Variants in UTRN observed in about 807,000 individuals in gnomAD.
The protein encoded by UTRN is dystrophin-related protein 1.
In UTRN, 283 loss-of-function variants were observed where a neutral mutation model predicts 463.9. The observed-to-expected ratio is 0.61, with a 90% CI of 0.55 to 0.67. The LOEUF (loss-of-function observed/expected upper bound fraction) is 0.67, where lower values mean the gene tolerates loss of function less well. UTRN is among the 30% of genes least tolerant of loss of function. The probability of loss-of-function intolerance (pLI) is 0.00; values close to 1 mark genes in which losing one functional copy is unlikely to be tolerated. For missense variants in UTRN, 3,922 were observed against 4,084.3 expected, an observed-to-expected ratio of 0.96 and a Z score of 1.08; for synonymous variants, 1,442 against 1,431.5, an observed-to-expected ratio of 1.01 and a Z score of -0.17.
At chr6:144,316,267 G>A (rs1397793694) in intron 2 of UTRN, among the ~76,000 whole-genome samples, 3 of 152,204 alleles carry the variant, frequency 2.0e-5, no homozygotes, top group African/African-American at 7.2e-5. Context: ...GTGGCAATTG[G>A]TGGCTCTTAC....
chr6:144,707,342 G>A (rs1478802234), intron 53 of UTRN, among the ~76,000 whole-genome samples: 2 of 152,124 alleles, frequency 1.3e-5, no homozygotes, highest in Non-Finnish European at 2.9e-5. Flanking sequence ...GGGTAACAAT[G>A]GAGATTGAGA....
chr6:144,753,941 A>C (rs1322093547), intron 56 of UTRN, among the ~76,000 whole-genome samples: 2 of 152,160 alleles, frequency 1.3e-5, no homozygotes, highest in Non-Finnish European at 2.9e-5. Context: ...TGCCTGTACA[A>C]ACTGAAATAT....
At chr6:144,477,508 TTC>T (rs892865656) in intron 25 of UTRN, among the ~76,000 whole-genome samples, 2 of 150,660 alleles carry the variant, frequency 1.3e-5, no homozygotes, top group African/African-American at 4.9e-5. Context: ...CACATTTGCT[TTC>T]TCTCTCTCTG....
At chr6:144,366,664 G>A (rs1031536989) in intron 2 of UTRN, among the ~76,000 whole-genome samples, 2 of 152,098 alleles carry the variant, frequency 1.3e-5, no homozygotes, top group Non-Finnish European at 2.9e-5. Context: ...GGGCATTTAG[G>A]TTGACTCCAT....
rs540209355 is a variant in UTRN, at chr6:144,585,660, C to G, written c.7479+8372C>G. 6.6e-5 allele frequency among the ~76,000 whole-genome samples: 10 copies of G among 152,166 alleles called. No individual in the cohort carries two copies. The East Asian group carries it at 1.9e-3, about 29-fold the overall frequency. ...TATTGATAGAGGTAGCTATACCAACCAAAAATACTTAATTGTATTTTAATT... is the reference window on the plus strand; with the variant it reads ...TATTGATAGAGGTAGCTATACCAACGAAAAATACTTAATTGTATTTTAATT... On this transcript the variant is annotated intron_variant, in intron 51 of 74. Transcript: ENST00000367545.
chr6:144,533,135 C>G lies in UTRN; in HGVS notation c.6108C>G (p.Asn2036Lys). 1 of 1,613,952 alleles carries G rather than the reference C, an allele frequency of 6.2e-7. No homozygotes were observed. Among genetic ancestry groups the G allele is most frequent in the Non-Finnish European group, 8.5e-7 (1 of 1,179,924 alleles). ...SSHQPSFAAL[N>K]RTGDGIVQKL... is the part of the protein sequence containing the mutation. ...ACCAGCCCAGTTTTGCAGCACTAAACCGAACTGGGGATGGGATTGTGCAGA... is the reference window on the plus strand; with the variant it reads ...ACCAGCCCAGTTTTGCAGCACTAAAGCGAACTGGGGATGGGATTGTGCAGA... Residue 2036 changes from asparagine to lysine, a missense_variant, in exon 43 of 75, where the codon AAC becomes AAG. By Grantham distance (94) the Asn-to-Lys change is moderately conservative. This residue lies in a region of UTRN where 2,349 missense variants were observed against 2,303.8 expected (regional missense o/e 1.02). Transcript: ENST00000367545.
intron 69 of UTRN, among the ~76,000 whole-genome samples, chr6:144,830,715 G>GT (rs1255556822): frequency 6.9e-6 from 1 of 144,600 alleles, no homozygotes; most frequent in African/African-American, 2.5e-5. Context: ...TTTGTTTTTT[G>GT]TTTTTTGTTT....
At chr6:144,820,146 CA>C (rs1779471345) in intron 65 of UTRN, among the ~76,000 whole-genome samples, 1 of 124,198 alleles carries the variant, frequency 8.1e-6, no homozygotes, top group African/African-American at 3.1e-5. Flanking sequence ...AACAATAGTT[CA>C]TGGGATAGGA....
intron 52 of UTRN, among the ~76,000 whole-genome samples, chr6:144,690,130 T>TGTGTGTGTGTG (rs1562770946): frequency 3.0e-4 from 34 of 115,170 alleles, no homozygotes; most frequent in South Asian, 9.8e-4. Context: ...TGTGTGTGTG[T>TGTGTGTGTGTG]TAAGCTACCA....
At chr6:144,786,115 C>G (rs1005756913) in intron 61 of UTRN, among the ~76,000 whole-genome samples, 1 of 152,148 alleles carries the variant, frequency 6.6e-6, no homozygotes, top group Non-Finnish European at 1.5e-5. Context: ...TATGTCAACA[C>G]TGGGCTATGT....
intron 50 of UTRN, among the ~76,000 whole-genome samples, chr6:144,574,727 A>G (rs1413531631): frequency 1.3e-5 from 2 of 152,068 alleles, no homozygotes; most frequent in African/African-American, 4.8e-5. Context: ...GATTACAGGC[A>G]TGCCCCACCA....
chr6:144,637,260 G>A (rs1777277252), intron 51 of UTRN, among the ~76,000 whole-genome samples: 2 of 152,156 alleles, frequency 1.3e-5, no homozygotes, highest in South Asian at 4.1e-4. Context: ...GTGAGCCACT[G>A]CGCCCAGCCA....
intron 34 of UTRN, among the ~76,000 whole-genome samples, chr6:144,502,732 T>G (rs537196845): frequency 5.9e-5 from 9 of 152,372 alleles, no homozygotes; most frequent in African/African-American, 2.2e-4. Context: ...TGGGCATGTC[T>G]TTAGAGTAGA....
At chr6:144,706,225 C>T (rs1386316509) in intron 53 of UTRN, among the ~76,000 whole-genome samples, 2 of 144,296 alleles carry the variant, frequency 1.4e-5, no homozygotes, top group African/African-American at 5.0e-5. Flanking sequence ...TTCAGGGCAG[C>T]TTTTTTTTTT....
At chr6:144,684,319 G>A (rs1001903495) in intron 52 of UTRN, among the ~76,000 whole-genome samples, 1 of 152,072 alleles carries the variant, frequency 6.6e-6, no homozygotes, top group East Asian at 1.9e-4. Context: ...CAAACTGCTG[G>A]GATTACAGAC....
chr6:144,783,896 G>C (rs767061583), intron 61 of UTRN, among the ~76,000 whole-genome samples: 1 of 152,114 alleles, frequency 6.6e-6, no homozygotes, highest in Admixed American at 6.5e-5. Flanking sequence ...CGATATCTCT[G>C]TCTGATATTT....
intron 50 of UTRN, among the ~76,000 whole-genome samples, chr6:144,566,854 A>C (rs1277791851): frequency 6.6e-6 from 1 of 152,146 alleles, no homozygotes; most frequent in Non-Finnish European, 1.5e-5. Context: ...ACTTCATGAA[A>C]AGTTTGCAGG....
intron 53 of UTRN, among the ~76,000 whole-genome samples, chr6:144,729,608 A>T (rs1788302344): frequency 6.6e-6 from 1 of 152,236 alleles, no homozygotes; most frequent in Non-Finnish European, 1.5e-5. Context: ...TGCACCTGGG[A>T]AAATCTTCAT....
intron 51 of UTRN, among the ~76,000 whole-genome samples, chr6:144,603,649 T>C (rs1804507303): frequency 3.3e-5 from 5 of 152,166 alleles, no homozygotes; most frequent in Admixed American, 3.3e-4. Context: ...ATGAGGTATA[T>C]TTTTCCCTAA....
Sources: gnomAD v4.1 joint callset for allele counts (sites outside exome capture counted in the v4.1 genomes callset) on GRCh38, gnomAD v4.1.1 for gene constraint, gnomAD v4.1.1 regional missense constraint, MANE v1.5 for transcripts, NCBI Gene and HGNC (gene_info 2026-07-23, HGNC 2026-07-21) for gene names.